Variants in PCDHGB3 observed in about 807,000 individuals in gnomAD.
PCDHGB3 encodes the protein protocadherin gamma-B3.
In PCDHGB3, 40 loss-of-function variants were observed where a neutral mutation model predicts 59.2. The observed-to-expected ratio is 0.68, with a 90% CI of 0.52 to 0.88. The LOEUF (loss-of-function observed/expected upper bound fraction) is 0.88. Ranked by LOEUF, PCDHGB3 falls within the 40% of genes least tolerant of loss-of-function variation. The pLI, the probability that PCDHGB3 is intolerant of heterozygous loss-of-function variation, is 0.00. For synonymous variants in PCDHGB3, 581 were observed against 503.6 expected (o/e 1.15, Z -2.06); for missense variants, 1,309 against 1,187.9 (o/e 1.10, Z -1.50).
chr5:141,400,657 T>G (rs2094057580), intron 1 of PCDHGB3: 1 of 1,081,498 alleles, frequency 9.2e-7, no homozygotes, highest in African/African-American at 1.6e-5. Context: ...TGTCCTACCA[T>G]TCTTTAAGAG....
intron 1 of PCDHGB3, chr5:141,478,592 TC>T: frequency 6.4e-7 from 1 of 1,570,334 alleles, no homozygotes; most frequent in Non-Finnish European, 8.6e-7. Flanking sequence ...GCTTTTTTAT[TC>T]CTACATCATA....
At chr5:141,408,202 G>C (rs778320550) in intron 1 of PCDHGB3, 8 of 1,549,950 alleles carry the variant, frequency 5.2e-6, no homozygotes, top group South Asian at 3.6e-5. Context: ...CCGAGCGAAC[G>C]ATGGGAGGGA....
At position 141,407,135 on chromosome 5, in the gene PCDHGB3, G is replaced by GA. The variant is rs796659459; in HGVS notation, c.2415+34334dup. The stretch of plus-strand genomic sequence containing the variant: ...TGGGTTTCAGTTGCTTTATTTTTAA[G>GA]AAAAAAAAGCTGAAGTGTCTGGGAA... On this transcript the variant is annotated intron_variant, in intron 1 of 3. Coordinates refer to ENST00000576222, the MANE Select transcript of PCDHGB3 (RefSeq NM_018924.5). 3.3e-5 allele frequency among the ~76,000 whole-genome samples: 5 copies of GA among 151,810 alleles called. No homozygotes were observed. In the South Asian group the frequency reaches 6.2e-4, roughly 19 times the overall value.
rs2734872 is a variant in PCDHGB3 at position 141,474,454 on chromosome 5, C to T, written c.2416-20353C>T. On this transcript the variant is annotated intron_variant, in intron 1 of 3. Transcript: ENST00000576222. ...ACACTTTGAGTAGCAAGTGATTGGG[C>T]TATACTCTTTATTCTAAATTCTAAA... Among the ~76,000 whole-genome samples, 6 of 152,308 alleles carry T rather than the reference C, an allele frequency of 3.9e-5. No individual in the cohort carries two copies. The East Asian group carries it at 1.2e-3, about 29-fold the overall frequency.
chr5:141,444,920 G>A (rs2098451595), intron 1 of PCDHGB3, among the ~76,000 whole-genome samples: 1 of 152,110 alleles, frequency 6.6e-6, no homozygotes, highest in Non-Finnish European at 1.5e-5. Context: ...ACCTTTATCA[G>A]GGAAAGAGGG....
chr5:141,480,250 A>T (rs2099515553), intron 1 of PCDHGB3, among the ~76,000 whole-genome samples: 2 of 151,988 alleles, frequency 1.3e-5, no homozygotes, highest in African/African-American at 4.8e-5. Context: ...CAAAAAAAAA[A>T]AAAAATGTGT....
intron 1 of PCDHGB3, chr5:141,408,952 T>C (rs531696982): frequency 6.2e-7 from 1 of 1,613,544 alleles, no homozygotes; most frequent in African/African-American, 1.3e-5. Context: ...ATAGAATTAG[T>C]CTTAGTGAAA....
At chr5:141,428,091 T>C (rs769710543) in intron 1 of PCDHGB3, 2 of 1,609,000 alleles carry the variant, frequency 1.2e-6, no homozygotes, top group East Asian at 2.2e-5. Flanking sequence ...CGCTTGGCTG[T>C]CCTACCACGT....
chr5:141,386,043 T>A (rs1356183154), intron 1 of PCDHGB3: 7 of 152,254 alleles, frequency 4.6e-5, no homozygotes, highest in Admixed American at 1.3e-4. Context: ...GGCAATTACA[T>A]GTTTTAACAG....
chr5:141,445,388 A>G (rs2098465525), intron 1 of PCDHGB3, among the ~76,000 whole-genome samples: 2 of 152,212 alleles, frequency 1.3e-5, no homozygotes, highest in African/African-American at 4.8e-5. Flanking sequence ...TCATTCATTT[A>G]CATAACAAAT....
At chr5:141,405,203 C>A in intron 1 of PCDHGB3, 2 of 1,613,520 alleles carry the variant, frequency 1.2e-6, no homozygotes, top group Non-Finnish European at 1.7e-6. Flanking sequence ...AGCTTTCCTA[C>A]AGACCTATTC....
At chr5:141,415,285 G>A (rs1561755891) in intron 1 of PCDHGB3, 3 of 1,614,216 alleles carry the variant, frequency 1.9e-6, no homozygotes, top group Non-Finnish European at 2.5e-6. Context: ...GGTGGCCGCG[G>A]TCTCCTGCGT....
intron 1 of PCDHGB3, chr5:141,422,371 C>A: frequency 6.4e-7 from 1 of 1,567,208 alleles, no homozygotes; most frequent in South Asian, 1.2e-5. Context: ...AGAAAATGGT[C>A]AAGTCTCCTG....
intron 1 of PCDHGB3, chr5:141,384,204 A>T: frequency 4.3e-6 from 7 of 1,613,886 alleles, no homozygotes; most frequent in Non-Finnish European, 5.9e-6. Flanking sequence ...TGTCCAGGGA[A>T]ACTCACATAT....
chr5:141,425,555 A>C (rs1282440598), intron 1 of PCDHGB3, among the ~76,000 whole-genome samples: 2 of 152,388 alleles, frequency 1.3e-5, no homozygotes, highest in Middle Eastern at 6.8e-3. Context: ...AACCTCTTTT[A>C]TAAGTGATAA....
At chr5:141,450,817 A>T (rs1302552522) in intron 1 of PCDHGB3, among the ~76,000 whole-genome samples, 1 of 137,468 alleles carries the variant, frequency 7.3e-6, no homozygotes, top group Non-Finnish European at 1.5e-5. Context: ...TTTATTTAAT[A>T]TTATTATTAT....
rs1187459113 is a variant in PCDHGB3 at position 141,487,187 on chromosome 5, G to A, written c.2416-7620G>A. On this transcript the variant is annotated intron_variant, in intron 1 of 3. Coordinates refer to ENST00000576222, the MANE Select transcript of PCDHGB3 (RefSeq NM_018924.5). This position sits in a 1 kb window ranked among gnomAD's most constrained non-coding sequence, Gnocchi z 5.0. The stretch of plus-strand genomic sequence containing the variant: ...GTCCTTAGAGGAAGACACTCATCCA[G>A]TTGTCCCAGATCTTCGAGAATCTTC... 1.2e-6 allele frequency: 2 copies of A among 1,613,826 alleles called. No homozygotes were observed. Among genetic ancestry groups the A allele is most frequent in the Admixed American group, 3.3e-5 (2 of 60,024 alleles).
At chr5:141,475,103 G>A (rs771784343) in intron 1 of PCDHGB3, among the ~76,000 whole-genome samples, 1 of 152,176 alleles carries the variant, frequency 6.6e-6, no homozygotes, top group Non-Finnish European at 1.5e-5. Flanking sequence ...AAGATCCTAG[G>A]TGGTAAATAG....
At chr5:141,422,330 CTCT>C in intron 1 of PCDHGB3, 1 of 1,548,166 alleles carries the variant, frequency 6.5e-7, no homozygotes, top group East Asian at 2.2e-5. Context: ...ACAGTGATTG[CTCT>C]TCTAAATGTG....
Sources: allele counts gnomAD v4.1 joint callset (sites outside exome capture counted in the v4.1 genomes callset), GRCh38; gene constraint gnomAD v4.1.1; non-coding constraint Gnocchi (gnomAD v3.1); transcripts MANE v1.5; gene names NCBI Gene and HGNC (gene_info 2026-07-23, HGNC 2026-07-21).